The following KIF4A variants were observed in gnomAD, a reference collection of about 807,000 sequenced individuals.
The protein encoded by KIF4A is kinesin family member 4A, also known as chromosome-associated kinesin KIF4A.
In KIF4A, 7 loss-of-function variants were observed where a neutral mutation model predicts 105.9. The observed-to-expected ratio is 0.07, with a 90% CI of 0.04 to 0.12. The LOEUF (loss-of-function observed/expected upper bound fraction) is 0.12, where lower values mean the gene tolerates loss of function less well. KIF4A is among the 10% of genes least tolerant of loss of function. The probability of loss-of-function intolerance (pLI) is 1.00; values close to 1 mark genes in which losing one functional copy is unlikely to be tolerated. For synonymous variants in KIF4A, 281 were observed against 331.3 expected (o/e 0.85, Z 1.65); for missense variants, 558 against 929.2 (o/e 0.60, Z 5.19).
At chrX:70,358,773 A>G (rs1223144455) in intron 15 of KIF4A, among the ~76,000 whole-genome samples, 1 of 112,439 alleles carries the variant, frequency 8.9e-6, no homozygotes, top group Non-Finnish European at 1.9e-5. Context: ...TTGTATGTGC[A>G]TGGATTTCTC....
chrX:70,407,355 C>T (rs1400535719), intron 28 of KIF4A, among the ~76,000 whole-genome samples: 9 of 111,785 alleles, frequency 8.1e-5, no homozygotes, highest in East Asian at 2.8e-4. Flanking sequence ...AATCTGCCTG[C>T]CTCAGTCTCC....
Position 70,290,435 on chromosome X carries a change from C to G in KIF4A, c.-21-3C>G. 1.7e-6 allele frequency: 2 copies of G among 1,200,714 alleles called. No individual in the cohort carries two copies. The highest frequency in any genetic ancestry group is 2.2e-6 in the Non-Finnish European group (2 of 889,842). Reference sequence around the variant, plus strand: ...CAGCGAGCCTTCTTTTTCCCCCTCGCAGAGACGGTGCTGAGATAGGATCAT... The same window carrying G: ...CAGCGAGCCTTCTTTTTCCCCCTCGGAGAGACGGTGCTGAGATAGGATCAT... On this transcript the variant is annotated splice_region_variant and splice_polypyrimidine_tract_variant and intron_variant, in intron 1 of 30. Coordinates refer to ENST00000374403, the MANE Select transcript of KIF4A (RefSeq NM_012310.5).
chrX:70,354,440 A>C (rs1351115784), intron 15 of KIF4A, among the ~76,000 whole-genome samples: 2 of 112,427 alleles, frequency 1.8e-5, no homozygotes, highest in Non-Finnish European at 3.8e-5. Flanking sequence ...CTCCCAAGGT[A>C]TTATGTGTTT....
intron 18 of KIF4A, among the ~76,000 whole-genome samples, chrX:70,383,259 T>G (rs2086205101): frequency 9.3e-6 from 1 of 107,680 alleles, no homozygotes; most frequent in Non-Finnish European, 1.9e-5. Context: ...GGCAAAGCAA[T>G]AAGTACATGA....
intron 7 of KIF4A, among the ~76,000 whole-genome samples, chrX:70,314,047 A>G (rs1801653829): frequency 8.9e-6 from 1 of 112,066 alleles, no homozygotes; most frequent in Non-Finnish European, 1.9e-5. Context: ...AATGAGGAAT[A>G]TAGGGGCTCT....
At chrX:70,401,271 G>C (rs1234166592) in intron 22 of KIF4A, among the ~76,000 whole-genome samples, 3 of 108,163 alleles carry the variant, frequency 2.8e-5, no homozygotes, top group Non-Finnish European at 3.8e-5. Context: ...GTAGAGACAG[G>C]GTTTCACCAT....
chrX:70,325,429 C>T (rs1310270202), intron 7 of KIF4A, among the ~76,000 whole-genome samples: 1 of 110,336 alleles, frequency 9.1e-6, no homozygotes, highest in Non-Finnish European at 1.9e-5. Context: ...AGGTGCACAC[C>T]ACCACGCCCA....
intron 9 of KIF4A, among the ~76,000 whole-genome samples, chrX:70,330,727 T>C (rs896452568): frequency 9.0e-6 from 1 of 111,491 alleles, no homozygotes; most frequent in African/African-American, 3.3e-5. Flanking sequence ...ATAGAGAAAA[T>C]AGATTAGAAG....
chrX:70,373,795 C>T (rs1380452904), intron 15 of KIF4A, among the ~76,000 whole-genome samples: 1 of 76,608 alleles, frequency 1.3e-5, no homozygotes, highest in Non-Finnish European at 2.5e-5. Flanking sequence ...TACATATATA[C>T]ACATATACGT....
At chrX:70,296,083 C>CTTTTTTT (rs386417082) in intron 3 of KIF4A, among the ~76,000 whole-genome samples, 5 of 65,034 alleles carry the variant, frequency 7.7e-5, no homozygotes, top group South Asian at 1.4e-3. Context: ...ATAAATGATG[C>CTTTTTTT]TTTTTTTTTT....
chrX:70,353,565 C>T (rs2086039570), intron 14 of KIF4A, 57 bp from the exon 15 acceptor site: 1 of 1,064,394 alleles, frequency 9.4e-7, no homozygotes. Flanking sequence ...GAAATAGTGC[C>T]TAAGGAACTC....
intron 28 of KIF4A, among the ~76,000 whole-genome samples, chrX:70,417,121 A>G (rs994225327): frequency 1.8e-5 from 2 of 112,953 alleles, no homozygotes; most frequent in Non-Finnish European, 3.7e-5. Flanking sequence ...CACTTTACCC[A>G]TAAAGTTGTC....
rs1386166055 is a variant in KIF4A, at chrX:70,420,363, T to G, written c.*98T>G. ...TAAATGACTTCTCTGGATTTCAGGTTTCTTGCTGTTGAAAAAAGGAACAAA... is the reference window on the plus strand; with the variant it reads ...TAAATGACTTCTCTGGATTTCAGGTGTCTTGCTGTTGAAAAAAGGAACAAA... On this transcript the variant is annotated 3_prime_UTR_variant, in exon 31 of 31. Coordinates refer to ENST00000374403, the MANE Select transcript of KIF4A (RefSeq NM_012310.5). The G allele has an allele frequency of 1.1e-5, 12 of 1,047,582 alleles. No homozygotes were observed. Among genetic ancestry groups the G allele is most frequent in the Non-Finnish European group, 1.5e-5 (12 of 795,636 alleles). 86.3% of individuals were successfully genotyped at this position (1,047,582 alleles called of 1,213,427 possible).
rs145475275 is a variant in KIF4A, at chrX:70,390,925, T to C, written c.2232+3628T>C. Among the ~76,000 whole-genome samples, 36 of 112,414 alleles carry C rather than the reference T, an allele frequency of 3.2e-4. No homozygotes were observed. In the East Asian group the frequency reaches 9.2e-3, roughly 29 times the overall value. On this transcript the variant is annotated intron_variant, in intron 20 of 30. Transcript: ENST00000374403. ...GAGATTAATTTGTGTTGTTTGTGTA[T>C]CTGTAGTTTGCGTGTTTTTGTTGTT... is the stretch of plus-strand genomic sequence containing the variant.
intron 28 of KIF4A, among the ~76,000 whole-genome samples, chrX:70,415,861 CTT>C (rs1162374099): frequency 1.2e-4 from 7 of 57,417 alleles, no homozygotes; most frequent in African/African-American, 2.0e-4. Flanking sequence ...TGCATTATTT[CTT>C]TTTTTTTTTT....
chrX:70,373,351 A>G, intron 15 of KIF4A, among the ~76,000 whole-genome samples: 1 of 93,378 alleles, frequency 1.1e-5, no homozygotes, highest in Admixed American at 1.3e-4. Context: ...GAAGGGAAGG[A>G]GGGAGGGAGG....
chrX:70,339,084 CAAAAAA>C (rs906085372), intron 10 of KIF4A, among the ~76,000 whole-genome samples: 2 of 47,321 alleles, frequency 4.2e-5, no homozygotes, highest in African/African-American at 1.6e-4. Context: ...GACTCCATCT[CAAAAAA>C]AAAAAAAAAA....
chrX:70,387,352 G>C, intron 20 of KIF4A, 55 bp downstream of exon 20: 4 of 886,386 alleles, frequency 4.5e-6, no homozygotes, highest in Non-Finnish European at 6.2e-6. Context: ...CAGGAAAAAA[G>C]GAGAAATAGC....
chrX:70,405,114 G>C (rs749036999), intron 25 of KIF4A, among the ~76,000 whole-genome samples: 3 of 111,040 alleles, frequency 2.7e-5, no homozygotes, highest in Non-Finnish European at 5.7e-5. Flanking sequence ...AGTTGAGGAA[G>C]TGAAATCATC....
Sources: allele counts gnomAD v4.1 joint callset (sites outside exome capture counted in the v4.1 genomes callset), GRCh38; gene constraint gnomAD v4.1.1; transcripts MANE v1.5; gene names NCBI Gene and HGNC (gene_info 2026-07-23, HGNC 2026-07-21).